The following SNU13 variants were observed in gnomAD, a reference collection of about 807,000 sequenced individuals.
SNU13 encodes the protein small nuclear ribonucleoprotein 13.
SNU13 carries 2 observed loss-of-function variants against 12.4 expected under a neutral mutation model. The ratio of observed to expected loss-of-function variants is 0.16; its 90% CI spans 0.07 to 0.51. SNU13 has a LOEUF of 0.51. Among genes scored for constraint, SNU13 ranks in the 20% least tolerant of loss-of-function variants. The probability of loss-of-function intolerance (pLI) is 0.96; values close to 1 mark genes in which losing one functional copy is unlikely to be tolerated. For missense variants in SNU13, 66 were observed against 157.8 expected (o/e 0.42, Z 3.12); for synonymous variants, 68 against 66.5 (o/e 1.02, Z -0.11).
In SNU13 at chr22:41,688,840, G is replaced by A. The variant is rs1422699107; in HGVS notation, c.-44C>T. 18 of 1,565,796 alleles carry A rather than the reference G, an allele frequency of 1.1e-5. No homozygotes were observed. Among genetic ancestry groups the A allele is most frequent in the Admixed American group, 1.7e-5 (1 of 57,198 alleles). On this transcript the variant is annotated 5_prime_UTR_variant, in exon 1 of 3. Coordinates refer to ENST00000401959, the MANE Select transcript of SNU13 (RefSeq NM_001003796.2). ...TCAGCACTCCTAGGGGAGCGCAGCT[G>A]ACGTTTCAGAAGCACTCGCGTGCAC...
upstream of SNU13, among the ~76,000 whole-genome samples, chr22:41,690,016 A>G (rs1601579735): frequency 6.6e-6 from 1 of 152,144 alleles, no homozygotes; most frequent in African/African-American, 2.4e-5. Context: ...CTAAACAGTT[A>G]AGGCCTGGCT....
In SNU13 at chr22:41,686,632, A is replaced by AT. The variant is rs1007894806; in HGVS notation, c.3+2161dup. On this transcript the variant is annotated intron_variant, in intron 1 of 2. Transcript: ENST00000401959. ...TGTTTTATTTGATACTACAGTAGGG[A>AT]TTTTTTTTTTCTTTGACACAGTCTT... is the stretch of plus-strand genomic sequence containing the variant. Among the ~76,000 whole-genome samples, 27 of 125,850 alleles carry AT rather than the reference A, an allele frequency of 2.1e-4. No individual in the cohort carries two copies. In the East Asian group the frequency reaches 2.5e-3, roughly 11 times the overall value. The allele number at this position is 125,850 out of a possible 152,430, so 82.6% of individuals were successfully genotyped here.
At chr22:41,688,708 C>T (rs1049005457) in intron 1 of SNU13, 86 bp downstream of exon 1, 2 of 1,528,822 alleles carry the variant, frequency 1.3e-6, no homozygotes, top group South Asian at 1.2e-5. Context: ...ACGGCGCAGG[C>T]TCTAAGCCTC....
chr22:41,682,805 C>T (rs74347156), intron 1 of SNU13, among the ~76,000 whole-genome samples: 1,578 of 152,142 alleles, frequency 0.01, 27 homozygotes, highest in African/African-American at 0.037. Context: ...ACCGCCATCA[C>T]GGCCGGCTGA....
At chr22:41,676,474 A>G (rs1829003077) in intron 2 of SNU13, among the ~76,000 whole-genome samples, 1 of 151,628 alleles carries the variant, frequency 6.6e-6, no homozygotes, top group Non-Finnish European at 1.5e-5. Flanking sequence ...AAATAATTCT[A>G]CCTAACAGGA....
At chr22:41,684,530 T>G (rs954897065) in intron 1 of SNU13, among the ~76,000 whole-genome samples, 1 of 152,254 alleles carries the variant, frequency 6.6e-6, no homozygotes, top group Admixed American at 6.5e-5. Context: ...TTCTGTTCTA[T>G]TTTTGAATTC....
chr22:41,687,603 T>C (rs563699599), intron 1 of SNU13: 6 of 152,344 alleles, frequency 3.9e-5, no homozygotes, highest in South Asian at 2.1e-4. Context: ...AATTAACGAA[T>C]GATATCATAC....
At chr22:41,688,872 A>T, upstream of SNU13, 1 of 1,509,052 alleles carries the variant, frequency 6.6e-7, no homozygotes, top group South Asian at 1.2e-5. Flanking sequence ...GCACCGGAAA[A>T]ACTCACAGAA....
intron 1 of SNU13, 31 bp from the exon 2 acceptor site, chr22:41,680,395 A>G (rs1276326759): frequency 6.3e-7 from 1 of 1,589,860 alleles, no homozygotes; most frequent in African/African-American, 1.4e-5. Context: ...TATCAGACAA[A>G]TTGAGCCAGA....
intron 1 of SNU13, among the ~76,000 whole-genome samples, chr22:41,685,795 G>A (rs1034405756): frequency 6.0e-5 from 9 of 150,276 alleles, no homozygotes; most frequent in Non-Finnish European, 1.3e-4. Context: ...GCAAAACCCC[G>A]TCTCTACTAA....
rs2068189826 is a variant in SNU13, at chr22:41,674,184, T to C, written c.*749A>G. The C allele has an allele frequency of 1.3e-5, 2 of 152,590 alleles. No individual in the cohort carries two copies. Among genetic ancestry groups the C allele is most frequent in the Admixed American group, 6.5e-5 (1 of 15,270 alleles). 9.5% of individuals were successfully genotyped at this position (152,590 alleles called of 1,614,324 possible). On this transcript the variant is annotated 3_prime_UTR_variant, in exon 3 of 3. Transcript: ENST00000401959. ...TCCATGATCTTCCTGGAATCCTTCA[T>C]GCCAGCATCAGTTCATGCTCTCTGA...
At chr22:41,679,912 G>A (rs767180497) in intron 2 of SNU13, 22 of 166,550 alleles carry the variant, frequency 1.3e-4, no homozygotes, top group Non-Finnish European at 2.4e-4. Context: ...CCGTATAAGG[G>A]ATGCTAAAAA....
At chr22:41,678,132 C>T (rs555190641) in intron 2 of SNU13, among the ~76,000 whole-genome samples, 13 of 152,232 alleles carry the variant, frequency 8.5e-5, no homozygotes, top group East Asian at 5.8e-4. Flanking sequence ...CCCGCCACCA[C>T]GCCCGGCTAA....
intron 1 of SNU13, among the ~76,000 whole-genome samples, chr22:41,684,128 C>T (rs1376222553): frequency 6.6e-6 from 1 of 152,160 alleles, no homozygotes; most frequent in Non-Finnish European, 1.5e-5. Context: ...TGGTCTCGAA[C>T]TCCTGACCTC....
At chr22:41,680,152 A>G in intron 2 of SNU13, 92 bp downstream of exon 2, 1 of 1,437,268 alleles carries the variant, frequency 7.0e-7, no homozygotes, top group Non-Finnish European at 9.3e-7. Flanking sequence ...GAGAGCAGCT[A>G]GCCCTCCTCC....
chr22:41,674,002 T>A lies in SNU13; in HGVS notation c.*931A>T, dbSNP rs2068188092. 6.6e-6 allele frequency: 1 copy of A among 152,154 alleles called. No homozygotes were observed. The highest frequency in any genetic ancestry group is 1.5e-5 in the Non-Finnish European group (1 of 68,020). The allele number at this position is 152,154 out of a possible 1,614,324, so 9.4% of individuals were successfully genotyped here. On this transcript the variant is annotated 3_prime_UTR_variant, in exon 3 of 3. Coordinates refer to ENST00000401959, the MANE Select transcript of SNU13 (RefSeq NM_001003796.2). ...GAGAACACATGAACTAGCACTCTCC[T>A]CATGTGACAGAGAGTACATCTGACC...
Position 41,688,802 on chromosome 22 carries a change from C to T in SNU13, c.-6G>A. 1 of 1,600,838 alleles carries T rather than the reference C, an allele frequency of 6.2e-7. No homozygotes were observed. On this transcript the variant is annotated 5_prime_UTR_variant, in exon 1 of 3. Transcript: ENST00000401959. ...CCGGCGCACGCACTCACCATGGCTGCGGTTCCGCGGGCTCAGCACTCCTAG... is the reference window on the plus strand; with the variant it reads ...CCGGCGCACGCACTCACCATGGCTGTGGTTCCGCGGGCTCAGCACTCCTAG...
chr22:41,678,340 A>G (rs1182157556), intron 2 of SNU13, among the ~76,000 whole-genome samples: 1 of 152,130 alleles, frequency 6.6e-6, no homozygotes, highest in African/African-American at 2.4e-5. Flanking sequence ...GTATACTCCA[A>G]GAAGGCAGAG....
chr22:41,677,209 T>G (rs1297084508), intron 2 of SNU13, among the ~76,000 whole-genome samples: 1 of 152,140 alleles, frequency 6.6e-6, no homozygotes, highest in East Asian at 1.9e-4. Flanking sequence ...AATAGGATTA[T>G]TGAAAGGATT....
Sources: allele counts gnomAD v4.1 joint callset (sites outside exome capture counted in the v4.1 genomes callset), GRCh38; gene constraint gnomAD v4.1.1; transcripts MANE v1.5; gene names NCBI Gene and HGNC (gene_info 2026-07-23, HGNC 2026-07-21).